ELAVL4: variants seen among roughly 807,000 people sequenced by gnomAD.
ELAVL4 encodes the protein ELAV like RNA binding protein 4, also known as ELAV-like protein 4.
A neutral mutation model predicts 35.6 loss-of-function variants in ELAVL4; 1 was observed. The ratio of observed to expected loss-of-function variants is 0.03; its 90% CI spans 0.01 to 0.13. The LOEUF (loss-of-function observed/expected upper bound fraction) is 0.13, where lower values mean the gene tolerates loss of function less well. Ranked by LOEUF, ELAVL4 falls within the 10% of genes least tolerant of loss-of-function variation. ELAVL4 has a pLI of 1.00. For synonymous variants in ELAVL4, 156 were observed against 171.0 expected (o/e 0.91, Z 0.69); for missense variants, 267 against 464.9 (o/e 0.57, Z 3.91).
At chr1:50,049,847 T>G (rs1663260206) in intron 1 of ELAVL4, among the ~76,000 whole-genome samples, 1 of 152,212 alleles carries the variant, frequency 6.6e-6, no homozygotes, top group Non-Finnish European at 1.5e-5. Flanking sequence ...GTAATCCTCT[T>G]TAGTTATCAT....
chr1:50,057,710 T>G (rs1277997886), intron 1 of ELAVL4, among the ~76,000 whole-genome samples: 1 of 152,196 alleles, frequency 6.6e-6, no homozygotes, highest in East Asian at 1.9e-4. Flanking sequence ...TGTGCGGTAG[T>G]CTATACCACC....
chr1:50,193,964 C>T (rs1050556742), intron 4 of ELAVL4, 46 bp downstream of exon 4: 5 of 1,603,074 alleles, frequency 3.1e-6, no homozygotes, highest in Admixed American at 3.4e-5. Context: ...TCAATGTCAT[C>T]AGCCCTGTTA....
intron 6 of ELAVL4, among the ~76,000 whole-genome samples, chr1:50,200,260 A>C (rs1644321021): frequency 6.6e-6 from 1 of 152,146 alleles, no homozygotes; most frequent in Admixed American, 6.5e-5. Flanking sequence ...AAGGGAGTGC[A>C]AAAATGGTAG....
intron 2 of ELAVL4, among the ~76,000 whole-genome samples, chr1:50,145,716 C>A (rs1673588770): frequency 6.6e-6 from 1 of 152,144 alleles, no homozygotes; most frequent in Non-Finnish European, 1.5e-5. Context: ...AACTACTCTG[C>A]AGTAGGAGGG....
rs532614255 is a variant in ELAVL4 at position 50,159,323 on chromosome 1, A to C, written c.250+14126A>C. Among the ~76,000 whole-genome samples the C allele has an allele frequency of 5.6e-4, 85 of 152,294 alleles. 1 individual carries two copies. Among genetic ancestry groups the C allele is most frequent in the African/African-American group, 1.9e-3 (78 of 41,576 alleles). On this transcript the variant is annotated intron_variant, in intron 2 of 6. Coordinates refer to ENST00000371824, the MANE Select transcript of ELAVL4 (RefSeq NM_001144774.3). ...AGTGAACCAAGTTTAAAAGTGATTT[A>C]TTGGTGGGGCATGGTGCCTCATGCC...
chr1:50,143,606 C>T (rs1046894508), intron 1 of ELAVL4, among the ~76,000 whole-genome samples: 4 of 152,150 alleles, frequency 2.6e-5, no homozygotes, highest in Admixed American at 2.0e-4. Context: ...GGATTTAAGT[C>T]CCTTGCCAAG....
At chr1:50,169,955 C>T (rs770053903) in intron 2 of ELAVL4, among the ~76,000 whole-genome samples, 3 of 152,106 alleles carry the variant, frequency 2.0e-5, no homozygotes, top group Admixed American at 6.6e-5. Flanking sequence ...TCCCTGAATG[C>T]GGGGACAATT....
intron 2 of ELAVL4, among the ~76,000 whole-genome samples, chr1:50,164,291 A>G (rs1677342864): frequency 6.6e-6 from 1 of 152,202 alleles, no homozygotes. Flanking sequence ...TCAGACAAAT[A>G]GTAGGTCTGG....
intron 5 of ELAVL4, among the ~76,000 whole-genome samples, chr1:50,196,957 T>G (rs1302247566): frequency 6.6e-6 from 1 of 152,196 alleles, no homozygotes. Context: ...CTCCCAAAAA[T>G]GTGTGTAGTA....
intron 2 of ELAVL4, among the ~76,000 whole-genome samples, chr1:50,172,948 C>G (rs551840597): frequency 1.1e-4 from 16 of 152,210 alleles, no homozygotes; most frequent in African/African-American, 3.9e-4. Flanking sequence ...TGTTTTCCAG[C>G]CCCCGGAGTC....
chr1:50,145,823 T>C (rs940196239), intron 2 of ELAVL4, among the ~76,000 whole-genome samples: 1 of 152,218 alleles, frequency 6.6e-6, no homozygotes, highest in African/African-American at 2.4e-5. Context: ...GCATTTTTAC[T>C]TGAAAGTGAA....
At chr1:50,093,464 C>T (rs536316256) in intron 1 of ELAVL4, among the ~76,000 whole-genome samples, 68 of 152,236 alleles carry the variant, frequency 4.5e-4, no homozygotes, top group Non-Finnish European at 9.4e-4. Context: ...GTTGCATCCT[C>T]TACCCTCATC....
chr1:50,060,132 T>C (rs574706456), intron 1 of ELAVL4, among the ~76,000 whole-genome samples: 1 of 152,360 alleles, frequency 6.6e-6, no homozygotes, highest in African/African-American at 2.4e-5. Flanking sequence ...AATATTCCAC[T>C]GTGCTACAGA....
At chr1:50,103,646 G>A (rs188625253), upstream of ELAVL4, among the ~76,000 whole-genome samples, 120 of 152,322 alleles carry the variant, frequency 7.9e-4, no homozygotes, top group Non-Finnish European at 1.2e-3. Flanking sequence ...TCAGGTCATA[G>A]TCACTGATGA....
At chr1:50,087,534 A>G (rs899287366) in intron 1 of ELAVL4, among the ~76,000 whole-genome samples, 3 of 152,210 alleles carry the variant, frequency 2.0e-5, no homozygotes, top group Non-Finnish European at 4.4e-5. Flanking sequence ...TAGCGATGTG[A>G]CCTAAAATGT....
intron 1 of ELAVL4, chr1:50,109,891 C>G: frequency 6.2e-7 from 1 of 1,610,592 alleles, no homozygotes; most frequent in Non-Finnish European, 8.5e-7. Flanking sequence ...CATAACGTTC[C>G]TTTCCGCTTT....
rs557928075 is a variant in ELAVL4 at position 50,110,377 on chromosome 1, G to A, written c.9+1179G>A. Reference sequence around the variant, plus strand: ...ATGCTAGGAGTGATGGGGAAGGATGGGAATGAGGGGTGGAGGAGGTGAGAT... The same window carrying A: ...ATGCTAGGAGTGATGGGGAAGGATGAGAATGAGGGGTGGAGGAGGTGAGAT... On this transcript the variant is annotated intron_variant, in intron 1 of 6. Coordinates refer to ENST00000371824, the MANE Select transcript of ELAVL4 (RefSeq NM_001144774.3). Among the ~76,000 whole-genome samples the A allele has an allele frequency of 3.2e-4, 48 of 152,270 alleles. No homozygotes were observed. The Middle Eastern group carries it at 0.017, about 54-fold the overall frequency.
chr1:50,143,181 A>C (rs999920427), intron 1 of ELAVL4, among the ~76,000 whole-genome samples: 15 of 152,212 alleles, frequency 9.9e-5, no homozygotes, highest in Non-Finnish European at 1.9e-4. Flanking sequence ...GTAATTACCC[A>C]GTTGTGAATT....
At chr1:50,063,620 G>A (rs1406277652) in intron 1 of ELAVL4, among the ~76,000 whole-genome samples, 1 of 152,080 alleles carries the variant, frequency 6.6e-6, no homozygotes, top group Admixed American at 6.5e-5. Context: ...ATCACTTGGG[G>A]ACTTTTGCCA....
Sources: gnomAD v4.1 joint callset for allele counts (sites outside exome capture counted in the v4.1 genomes callset) on GRCh38, gnomAD v4.1.1 for gene constraint, MANE v1.5 for transcripts, NCBI Gene and HGNC (gene_info 2026-07-23, HGNC 2026-07-21) for gene names.